Variants in EPHA7 observed in about 807,000 individuals in gnomAD.
EPHA7 encodes EPH receptor A7.
EPHA7 carries 25 observed loss-of-function variants against 112.6 expected under a neutral mutation model. That is an observed-to-expected ratio of 0.22 (90% CI 0.16 to 0.31). The LOEUF (loss-of-function observed/expected upper bound fraction) is 0.31, where lower values mean the gene tolerates loss of function less well. Ranked by LOEUF, EPHA7 falls within the 10% of genes least tolerant of loss-of-function variation. The pLI, the probability that EPHA7 is intolerant of heterozygous loss-of-function variation, is 1.00. For missense variants in EPHA7, 962 were observed against 1,212.6 expected, an observed-to-expected ratio of 0.79 and a Z score of 3.07; for synonymous variants, 437 against 406.5, an observed-to-expected ratio of 1.07 and a Z score of -0.90.
In EPHA7 at chr6:93,253,466, T is replaced by TGC. The variant is rs1770305566; in HGVS notation, c.2532+1180_2532+1181insGC. 1.4e-4 allele frequency among the ~76,000 whole-genome samples: 3 copies of TGC among 21,006 alleles called. No homozygotes were observed. The Admixed American group carries it at 2.1e-3, about 15-fold the overall frequency. 13.8% of individuals were successfully genotyped at this position (21,006 alleles called of 152,430 possible). On this transcript the variant is annotated intron_variant, in intron 14 of 16. Coordinates refer to ENST00000369303, the MANE Select transcript of EPHA7 (RefSeq NM_004440.4). ...ACAACATATAAAACAGTCTAAATGT[T>TGC]AGTTGTCTAAAAATCACTACTGTAA...
chr6:93,407,165 T>TA (rs1400687089), intron 3 of EPHA7, among the ~76,000 whole-genome samples: 1 of 151,998 alleles, frequency 6.6e-6, no homozygotes, highest in East Asian at 1.9e-4. Context: ...ATCAGTTTTT[T>TA]ATAGTTATTT....
chr6:93,332,964 A>G (rs1012050948), intron 5 of EPHA7, among the ~76,000 whole-genome samples: 1 of 151,670 alleles, frequency 6.6e-6, no homozygotes, highest in African/African-American at 2.4e-5. Flanking sequence ...TGTTTGGTGT[A>G]CAGATTATTT....
At chr6:93,349,218 T>A (rs147474517) in intron 5 of EPHA7, among the ~76,000 whole-genome samples, 1 of 151,908 alleles carries the variant, frequency 6.6e-6, no homozygotes, top group East Asian at 1.9e-4. Context: ...TTACAGCCAC[T>A]AAATAAAAAT....
Position 93,246,925 on chromosome 6 carries a change from G to A in EPHA7, c.2593C>T (p.Leu865Phe). 1 of 1,613,434 alleles carries A rather than the reference G, an allele frequency of 6.2e-7. No homozygotes were observed. The highest frequency in any genetic ancestry group is 8.5e-7 in the Non-Finnish European group (1 of 1,179,460). ...LPAPMDCPAG[L>F]HQLMLDCWQK... ...CAACAATCCAACATTAGCTGGTGAAGGCCAGCTGGGCAGTCCATGGGTGCT... is the reference window on the plus strand; with the variant it reads ...CAACAATCCAACATTAGCTGGTGAAAGCCAGCTGGGCAGTCCATGGGTGCT... The change falls in exon 15 of 17, where the codon CTT becomes TTT. Residue 865 changes from leucine (L) to phenylalanine (F), a missense_variant. Coordinates refer to ENST00000369303, the MANE Select transcript of EPHA7 (RefSeq NM_004440.4).
chr6:93,366,373 T>C (rs759943828), intron 3 of EPHA7, among the ~76,000 whole-genome samples: 16 of 152,218 alleles, frequency 1.1e-4, no homozygotes, highest in Non-Finnish European at 2.1e-4. Flanking sequence ...TCTAACGTGC[T>C]ACAGACATAG....
At chr6:93,390,598 C>G (rs1777856403) in intron 3 of EPHA7, among the ~76,000 whole-genome samples, 2 of 149,580 alleles carry the variant, frequency 1.3e-5, no homozygotes, top group African/African-American at 4.9e-5. Flanking sequence ...TATACACATA[C>G]AGGGCTGGGG....
chr6:93,389,860 T>C (rs1056580046), intron 3 of EPHA7, among the ~76,000 whole-genome samples: 3 of 151,792 alleles, frequency 2.0e-5, no homozygotes, highest in Admixed American at 1.3e-4. Context: ...AATAAAACAA[T>C]AAATACAGAA....
chr6:93,356,655 G>C, intron 5 of EPHA7, 62 bp downstream of exon 5: 1 of 1,429,472 alleles, frequency 7.0e-7, no homozygotes, highest in Non-Finnish European at 9.6e-7. Flanking sequence ...AAATGTTCAA[G>C]TAAGACACCT....
In EPHA7 at chr6:93,245,377, T is replaced by G; in HGVS notation, c.2803A>C (p.Ile935Leu). Residue 935 changes from isoleucine to leucine, a missense_variant, in exon 16 of 17, where the codon ATT becomes CTT. Around this residue, in one of 3 missense-constraint regions of EPHA7, gnomAD observed 746 missense variants for 889.2 expected, o/e 0.84. Coordinates refer to ENST00000369303, the MANE Select transcript of EPHA7 (RefSeq NM_004440.4). ...FCSVGEWLQA[I>L]KMERYKDNFT... Reference sequence around the variant, plus strand: ...TTATCTTTATATCTTTCCATCTTAATAGCTTGTAGCCATTCTCCAACTGAA... The same window carrying G: ...TTATCTTTATATCTTTCCATCTTAAGAGCTTGTAGCCATTCTCCAACTGAA... 1 of 1,613,796 alleles carries G rather than the reference T, an allele frequency of 6.2e-7. No homozygotes were observed. Among genetic ancestry groups the G allele is most frequent in the Non-Finnish European group, 8.5e-7 (1 of 1,179,878 alleles).
intron 5 of EPHA7, among the ~76,000 whole-genome samples, chr6:93,298,979 A>C (rs978641315): frequency 6.6e-6 from 1 of 152,156 alleles, no homozygotes; most frequent in Non-Finnish European, 1.5e-5. Context: ...AAAAGTGGGC[A>C]CAGGAAATGA....
At chr6:93,333,871 C>G (rs1257133471) in intron 5 of EPHA7, among the ~76,000 whole-genome samples, 1 of 151,906 alleles carries the variant, frequency 6.6e-6, no homozygotes, top group South Asian at 2.1e-4. Context: ...GCCATTTGCT[C>G]AAAGCAACTT....
Position 93,410,448 on chromosome 6 carries a change from G to T in EPHA7, c.832+53C>A. Reference sequence around the variant, plus strand: ...ATAACTATTAAAGTTTAAAATGTCTGATACTGAAATTTAAAAAGGCAAAGT... The same window carrying T: ...ATAACTATTAAAGTTTAAAATGTCTTATACTGAAATTTAAAAAGGCAAAGT... On this transcript the variant is annotated intron_variant, in intron 3 of 16. Transcript: ENST00000369303. This position sits in a 1 kb window ranked among gnomAD's most constrained non-coding sequence, Gnocchi z 4.0. The T allele has an allele frequency of 6.8e-7, 1 of 1,478,168 alleles. No homozygotes were observed. Among genetic ancestry groups the T allele is most frequent in the Non-Finnish European group, 9.2e-7 (1 of 1,082,934 alleles). The allele number at this position is 1,478,168 out of a possible 1,614,324, so 91.6% of individuals were successfully genotyped here.
intron 5 of EPHA7, among the ~76,000 whole-genome samples, chr6:93,343,684 A>G (rs1172285395): frequency 6.6e-6 from 1 of 151,726 alleles, no homozygotes; most frequent in Non-Finnish European, 1.5e-5. Flanking sequence ...ATGCTTGTCC[A>G]GAAAAATGGT....
In EPHA7 at chr6:93,316,765, T is replaced by C. The variant is rs1340851352; in HGVS notation, c.1324+39952A>G. On this transcript the variant is annotated intron_variant, in intron 5 of 16. Coordinates refer to ENST00000369303, the MANE Select transcript of EPHA7 (RefSeq NM_004440.4). The stretch of plus-strand genomic sequence containing the variant: ...ATTATATATTTTCAAGAATTTCCTA[T>C]TGATACTGAGTTTCTGCATTACGTA... 2.6e-5 allele frequency among the ~76,000 whole-genome samples: 4 copies of C among 152,322 alleles called. No individual in the cohort carries two copies. The East Asian group carries it at 5.8e-4, about 22-fold the overall frequency.
chr6:93,307,976 T>A (rs751570675), intron 5 of EPHA7, among the ~76,000 whole-genome samples: 4 of 152,222 alleles, frequency 2.6e-5, no homozygotes, highest in African/African-American at 9.6e-5. Flanking sequence ...TGTTCAGATG[T>A]CATCACTATC....
intron 3 of EPHA7, among the ~76,000 whole-genome samples, chr6:93,390,369 G>T (rs553055345): frequency 3.6e-4 from 55 of 151,802 alleles, no homozygotes; most frequent in Non-Finnish European, 5.9e-4. Flanking sequence ...GCAATTTGAA[G>T]TAGGTCAGAA....
At chr6:93,322,482 G>A (rs963607801) in intron 5 of EPHA7, among the ~76,000 whole-genome samples, 3 of 151,532 alleles carry the variant, frequency 2.0e-5, no homozygotes, top group Admixed American at 6.6e-5. Flanking sequence ...GTGCTTTTCT[G>A]ATAAATATAC....
intron 1 of EPHA7, among the ~76,000 whole-genome samples, chr6:93,416,859 G>C (rs756057588): frequency 5.9e-5 from 9 of 151,980 alleles, no homozygotes; most frequent in Non-Finnish European, 1.2e-4. Flanking sequence ...AAAGGCTGGC[G>C]TCCCGGGGCT....
intron 5 of EPHA7, among the ~76,000 whole-genome samples, chr6:93,320,450 A>G (rs1774012634): frequency 6.6e-6 from 1 of 152,050 alleles, no homozygotes; most frequent in South Asian, 2.1e-4. Flanking sequence ...ATGCTTTGCT[A>G]TTTTAAAAGA....
Sources: gnomAD v4.1 joint callset for allele counts (sites outside exome capture counted in the v4.1 genomes callset) on GRCh38, gnomAD v4.1.1 for gene constraint, gnomAD v4.1.1 regional missense constraint, Gnocchi (gnomAD v3.1) non-coding constraint, MANE v1.5 for transcripts, NCBI Gene and HGNC (gene_info 2026-07-23, HGNC 2026-07-21) for gene names.